The following PTMA variants were observed in gnomAD, a reference collection of about 807,000 sequenced individuals.
PTMA encodes gene sequence 28.
A neutral mutation model predicts 16.9 loss-of-function variants in PTMA; 4 were observed. That is an observed-to-expected ratio of 0.24 (90% confidence interval 0.12 to 0.54). The LOEUF (loss-of-function observed/expected upper bound fraction) is 0.54. PTMA is among the 20% of genes least tolerant of loss of function. The pLI is 0.95. For synonymous variants in PTMA, 58 were observed against 47.9 expected, an observed-to-expected ratio of 1.21 and a Z score of -0.87; for missense variants, 120 against 137.7, an observed-to-expected ratio of 0.87 and a Z score of 0.64.
intron 2 of PTMA, chr2:231,711,647 C>G: frequency 1.3e-6 from 1 of 754,760 alleles, no homozygotes; most frequent in Non-Finnish European, 2.1e-6. Flanking sequence ...GAGGAGACTC[C>G]GGTAGTCTGA....
chr2:231,711,443 G>A (rs1305375710), intron 2 of PTMA, 24 bp downstream of exon 2: 4 of 1,611,734 alleles, frequency 2.5e-6, no homozygotes, highest in Non-Finnish European at 3.4e-6. Context: ...TTGCTCCTGA[G>A]CCCTGGCAGC....
intron 1 of PTMA, chr2:231,710,726 C>T (rs1220022697): frequency 2.8e-6 from 1 of 351,674 alleles, no homozygotes; most frequent in Admixed American, 3.8e-5. Flanking sequence ...GTTGGTGGCT[C>T]CGGCGGCAGG....
intron 1 of PTMA, chr2:231,709,688 C>G (rs550683244): frequency 6.5e-6 from 1 of 152,774 alleles, no homozygotes; most frequent in East Asian, 1.9e-4. Context: ...TCCTGCGCGG[C>G]TGGTGCGGCT....
Position 231,708,744 on chromosome 2 carries a change from C to T in PTMA, c.38C>T (p.Thr13Ile). 1 of 1,603,470 alleles carries T rather than the reference C, an allele frequency of 6.2e-7. No individual in the cohort carries two copies. The change falls in exon 1 of 5, where the codon ACC (threonine) becomes ATC (isoleucine). Residue 13 changes from threonine (T) to isoleucine (I), a missense_variant. Physicochemically the swap from Thr to Ile is moderately conservative, Grantham distance 89. Coordinates refer to ENST00000409115, the MANE Select transcript of PTMA (RefSeq NM_002823.5). The stretch of plus-strand genomic sequence containing the variant: ...GCCGTAGACACCAGCTCCGAAATCA[C>T]CACCAAGGTGAGGCTGGACGCCGCC... ...DAAVDTSSEI[T>I]TKDLKEKKEV...
rs2048472610 is a variant in PTMA, at chr2:231,708,723, T to A, written c.17T>A (p.Val6Glu). The part of the protein sequence containing the change: MSDAA[V>E]DTSSEITTKD... ...TGCCCCACCATGTCAGACGCAGCCG[T>A]AGACACCAGCTCCGAAATCACCACC... Residue 6 changes from valine (V) to glutamate (E), a missense_variant, in exon 1 of 5, where the codon GTA becomes GAA. Val to Glu is a moderately radical substitution (Grantham distance 121). Transcript: ENST00000409115. 1 of 1,603,516 alleles carries A rather than the reference T, an allele frequency of 6.2e-7. No individual in the cohort carries two copies. Among genetic ancestry groups the A allele is most frequent in the Non-Finnish European group, 8.5e-7 (1 of 1,179,610 alleles).
At chr2:231,711,307 A>G (rs748441994) in intron 1 of PTMA, 41 bp from the exon 2 acceptor site, 57 of 1,570,120 alleles carry the variant, frequency 3.6e-5, no homozygotes, top group Non-Finnish European at 5.0e-5. Context: ...TGGGTTGCTC[A>G]GAAGACTTAC....
chr2:231,711,133 G>A, intron 1 of PTMA: 3 of 462,802 alleles, frequency 6.5e-6, no homozygotes, highest in South Asian at 5.5e-5. Flanking sequence ...GGGCCTTAAA[G>A]GATGGGAAAC....
At chr2:231,709,145 T>C (rs1250115888) in intron 1 of PTMA, among the ~76,000 whole-genome samples, 1 of 152,006 alleles carries the variant, frequency 6.6e-6, no homozygotes, top group East Asian at 1.9e-4. Context: ...TCGGAAGTGC[T>C]GGGGGGCGCG....
In PTMA at chr2:231,713,030, G is replaced by T. The variant is rs1268504808; in HGVS notation, c.*179G>T. The stretch of plus-strand genomic sequence containing the variant: ...CTCCACCACCCAACCCAAACCATGA[G>T]AATTTGCAACAGGGGAGGAAAAAAG... On this transcript the variant is annotated 3_prime_UTR_variant, in exon 5 of 5. Transcript: ENST00000409115. The T allele has an allele frequency of 8.1e-6, 5 of 620,292 alleles. No individual in the cohort carries two copies. In the African/African-American group the frequency reaches 9.3e-5, roughly 12 times the overall value. The allele number at this position is 620,292 out of a possible 1,614,324, so 38.4% of individuals were successfully genotyped here.
chr2:231,710,598 G>T (rs757150593), intron 1 of PTMA: 2 of 496,844 alleles, frequency 4.0e-6, no homozygotes, highest in South Asian at 3.1e-5. Context: ...GGTATTGGTG[G>T]CCGTGTCGTG....
intron 2 of PTMA, 78 bp downstream of exon 2, chr2:231,711,497 A>G (rs1032466647): frequency 1.8e-5 from 24 of 1,332,744 alleles, no homozygotes; most frequent in South Asian, 2.4e-5. Flanking sequence ...AAACATACCT[A>G]TATATGTGTG....
At chr2:231,710,247 C>T (rs961667857) in intron 1 of PTMA, 21 of 1,332,914 alleles carry the variant, frequency 1.6e-5, no homozygotes, top group Middle Eastern at 2.7e-4. Context: ...CCGACCGACG[C>T]GCGACCCGCG....
At chr2:231,710,627 G>T (rs776798730) in intron 1 of PTMA, 2 of 462,994 alleles carry the variant, frequency 4.3e-6, no homozygotes, top group Non-Finnish European at 8.8e-6. Context: ...GTTACCGGGC[G>T]CCCGGGGCCG....
intron 1 of PTMA, chr2:231,710,234 C>T (rs2106242777): frequency 3.7e-6 from 5 of 1,338,718 alleles, no homozygotes; most frequent in Non-Finnish European, 4.8e-6. Flanking sequence ...GTCGAGAGCC[C>T]GGCCGACCGA....
intron 2 of PTMA, chr2:231,711,672 C>A: frequency 1.1e-6 from 1 of 899,902 alleles, no homozygotes; most frequent in Non-Finnish European, 1.6e-6. Context: ...GGGCTTGGCC[C>A]AGGGTGGGGA....
chr2:231,708,795 C>T (rs762950755), intron 1 of PTMA, 44 bp downstream of exon 1: 18 of 1,590,322 alleles, frequency 1.1e-5, no homozygotes, highest in Non-Finnish European at 1.4e-5. Flanking sequence ...CGCGCGCCGC[C>T]GCTCGGGCGG....
At chr2:231,710,074 CGCGAGGGCGATGAGTAGTA>C in intron 1 of PTMA, 2 of 1,231,144 alleles carry the variant, frequency 1.6e-6, no homozygotes. Context: ...GGTGACTTCC[CGCGAGGGCGATGAGTAGTA>C]GCCCGAGAGG....
chr2:231,712,439 C>G lies in PTMA; in HGVS notation c.212-4C>G. The G allele has an allele frequency of 1.2e-6, 2 of 1,613,794 alleles. No individual in the cohort carries two copies. Among genetic ancestry groups the G allele is most frequent in the Non-Finnish European group, 1.7e-6 (2 of 1,179,794 alleles). On this transcript the variant is annotated splice_polypyrimidine_tract_variant and splice_region_variant and intron_variant, in intron 3 of 4. Coordinates refer to ENST00000409115, the MANE Select transcript of PTMA (RefSeq NM_002823.5). The stretch of plus-strand genomic sequence containing the variant: ...TGGTTTACCTGGCCTTTGATTCTCT[C>G]CAGGTGAGGAAGAGGATGGAGATGA...
chr2:231,711,565 C>T (rs1408608111), intron 2 of PTMA, 146 bp downstream of exon 2: 13 of 800,662 alleles, frequency 1.6e-5, no homozygotes, highest in African/African-American at 5.3e-5. Context: ...TGAGCTTTAC[C>T]CGAGGCGCGA....
Sources: gnomAD v4.1 joint callset for allele counts (sites outside exome capture counted in the v4.1 genomes callset) on GRCh38, gnomAD v4.1.1 for gene constraint, MANE v1.5 for transcripts, NCBI Gene and HGNC (gene_info 2026-07-23, HGNC 2026-07-21) for gene names.